Variants in CFAP251 observed in about 807,000 individuals in gnomAD.
CFAP251 encodes cilia- and flagella-associated protein 251.
CFAP251 carries 93 observed loss-of-function variants against 126.7 expected under a neutral mutation model. That is an observed-to-expected ratio of 0.73 (90% CI 0.62 to 0.87). The LOEUF is 0.87. CFAP251 is among the 40% of genes least tolerant of loss of function. The probability of loss-of-function intolerance (pLI) is 0.00; values close to 1 mark genes in which losing one functional copy is unlikely to be tolerated. For missense variants in CFAP251, 1,287 were observed against 1,389.2 expected (o/e 0.93, Z 1.17); for synonymous variants, 503 against 506.9 (o/e 0.99, Z 0.10).
At chr12:121,945,246 G>T (rs1435050816) in intron 7 of CFAP251, among the ~76,000 whole-genome samples, 1 of 152,106 alleles carries the variant, frequency 6.6e-6, no homozygotes, top group African/African-American at 2.4e-5. Flanking sequence ...TGGCCCGCTG[G>T]TCTCTCTGTG....
intron 9 of CFAP251, chr12:121,953,898 A>G: frequency 1.9e-6 from 1 of 532,992 alleles, no homozygotes; most frequent in Non-Finnish European, 3.3e-6. Flanking sequence ...AAACAATGTA[A>G]TTGAACAGAG....
chr12:121,982,093 G>A (rs1882635874), intron 19 of CFAP251, among the ~76,000 whole-genome samples: 1 of 152,094 alleles, frequency 6.6e-6, no homozygotes, highest in South Asian at 2.1e-4. Flanking sequence ...GCTTCTTTGT[G>A]TATAATACCC....
chr12:121,983,582 A>G (rs868455604), intron 19 of CFAP251, among the ~76,000 whole-genome samples: 1 of 152,206 alleles, frequency 6.6e-6, no homozygotes, highest in Non-Finnish European at 1.5e-5. Context: ...CAATTACTTA[A>G]AAACATAAAG....
At chr12:121,966,115 G>A (rs1463281813) in intron 15 of CFAP251, among the ~76,000 whole-genome samples, 1 of 143,292 alleles carries the variant, frequency 7.0e-6, no homozygotes, top group Non-Finnish European at 1.5e-5. Flanking sequence ...AACCTATGTT[G>A]AGATTTATGG....
intron 19 of CFAP251, chr12:121,998,918 A>AAAAAAAAAAG (rs1555221247): frequency 7.1e-6 from 1 of 141,476 alleles, no homozygotes; most frequent in Admixed American, 7.0e-5. Context: ...AAAAAAAAAA[A>AAAAAAAAAAG]GGGGGAAGTG....
intron 7 of CFAP251, among the ~76,000 whole-genome samples, chr12:121,943,446 G>C (rs1483563903): frequency 1.3e-5 from 2 of 152,054 alleles, no homozygotes; most frequent in African/African-American, 4.8e-5. Context: ...ACAGAGTTTC[G>C]CTCTTGTTGC....
intron 7 of CFAP251, among the ~76,000 whole-genome samples, chr12:121,947,158 C>G (rs1881354079): frequency 6.6e-6 from 1 of 152,182 alleles, no homozygotes. Context: ...GTTTCTGCTT[C>G]AGTCTGAATG....
intron 20 of CFAP251, 94 bp from the exon 21 acceptor site, chr12:122,001,402 AT>A (rs1883146244): frequency 8.6e-7 from 1 of 1,169,494 alleles, no homozygotes; most frequent in Admixed American, 1.8e-5. Flanking sequence ...TAGTGGGATA[AT>A]TCTCTTTAAG....
At chr12:122,000,396 AC>A (rs1485739848) in intron 20 of CFAP251, among the ~76,000 whole-genome samples, 42 of 151,976 alleles carry the variant, frequency 2.8e-4, no homozygotes, top group African/African-American at 9.2e-4. Flanking sequence ...TACTAAAAAT[AC>A]AAAAATTAGC....
Position 122,003,805 on chromosome 12 carries a change from G to T in CFAP251, c.*41G>T. On this transcript the variant is annotated 3_prime_UTR_variant, in exon 22 of 22. Transcript: ENST00000288912. ...TTAAAGCACAAAGGACTTTGGGTGT[G>T]TGTGCATGCACATGTGTGTGTTTTC... 6.7e-7 allele frequency: 1 copy of T among 1,494,602 alleles called. No homozygotes were observed. Among genetic ancestry groups the T allele is most frequent in the Non-Finnish European group, 9.1e-7 (1 of 1,096,080 alleles). 92.6% of individuals were successfully genotyped at this position (1,494,602 alleles called of 1,614,324 possible). A position where few individuals can be genotyped will look rare whatever the true frequency, so the allele number is the denominator to read the frequency against.
intron 3 of CFAP251, among the ~76,000 whole-genome samples, chr12:121,926,800 G>A (rs941740543): frequency 1.3e-5 from 2 of 152,046 alleles, no homozygotes; most frequent in African/African-American, 4.8e-5. Context: ...AAAATCAGCC[G>A]GGCGTGGTGG....
At chr12:121,944,217 A>T (rs1483529857) in intron 7 of CFAP251, among the ~76,000 whole-genome samples, 2 of 152,170 alleles carry the variant, frequency 1.3e-5, no homozygotes, top group African/African-American at 2.4e-5. Flanking sequence ...GACTTGCAGG[A>T]TCTAAAATCC....
intron 15 of CFAP251, among the ~76,000 whole-genome samples, chr12:121,966,363 C>T (rs1460663615): frequency 1.4e-5 from 2 of 141,526 alleles, no homozygotes; most frequent in African/African-American, 2.6e-5. Context: ...TAGGTTCAAG[C>T]GATTCTCATG....
Position 121,999,837 on chromosome 12 carries a change from A to C in CFAP251, c.3128A>C (p.Asn1043Thr). 1 of 1,614,214 alleles carries C rather than the reference A, an allele frequency of 6.2e-7. No individual in the cohort carries two copies. Among genetic ancestry groups the C allele is most frequent in the African/African-American group, 1.3e-5 (1 of 75,070 alleles). ...CTTAACCACAAGCCACCTTTTGGTA[A>C]CACCATGAGTGGCATCCACAAGAGC... is the stretch of plus-strand genomic sequence containing the variant. ...VYLNHKPPFG[N>T]TMSGIHKSFE... is the part of the protein sequence containing the mutation. Residue 1043 changes from asparagine to threonine, a missense_variant, in exon 20 of 22, where the codon AAC becomes ACC. Physicochemically the swap from Asn to Thr is moderately conservative, Grantham distance 65. Coordinates refer to ENST00000288912, the MANE Select transcript of CFAP251 (RefSeq NM_144668.6).
At chr12:122,000,322 C>T (rs1419440301) in intron 20 of CFAP251, among the ~76,000 whole-genome samples, 9 of 152,168 alleles carry the variant, frequency 5.9e-5, no homozygotes, top group African/African-American at 1.2e-4. Flanking sequence ...GAGGCCGAGG[C>T]GGGCGGATTG....
chr12:121,970,401 T>A (rs1314050372), intron 17 of CFAP251, among the ~76,000 whole-genome samples: 1 of 152,148 alleles, frequency 6.6e-6, no homozygotes, highest in Non-Finnish European at 1.5e-5. Flanking sequence ...AATCACTACC[T>A]GCTTGCTGGA....
intron 19 of CFAP251, among the ~76,000 whole-genome samples, chr12:121,993,953 A>G (rs1331805375): frequency 1.3e-5 from 1 of 76,862 alleles, no homozygotes. Flanking sequence ...CCCGGCCAGC[A>G]CCCCGTCCGG....
At chr12:121,939,454 T>C (rs1458694696) in intron 5 of CFAP251, among the ~76,000 whole-genome samples, 1 of 152,184 alleles carries the variant, frequency 6.6e-6, no homozygotes, top group Non-Finnish European at 1.5e-5. Context: ...GTCAGAGTCC[T>C]TCAGGTGTGT....
At chr12:121,953,192 C>T (rs1343743700) in intron 9 of CFAP251, 1 of 152,224 alleles carries the variant, frequency 6.6e-6, no homozygotes, top group Non-Finnish European at 1.5e-5. Context: ...GCCAGCACTT[C>T]AGCACTATGT....
Sources: allele counts gnomAD v4.1 joint callset (sites outside exome capture counted in the v4.1 genomes callset), GRCh38; gene constraint gnomAD v4.1.1; transcripts MANE v1.5; gene names NCBI Gene and HGNC (gene_info 2026-07-23, HGNC 2026-07-21).